The following CSMD1 variants were observed in gnomAD, a reference collection of about 807,000 sequenced individuals.
CSMD1 encodes the protein CUB and sushi domain-containing protein 1.
Under a neutral mutation model 417.5 loss-of-function variants are expected in CSMD1, and 213 were observed. The ratio of observed to expected loss-of-function variants is 0.51; its 90% CI spans 0.46 to 0.57. CSMD1 has a LOEUF of 0.57. Among genes scored for constraint, CSMD1 ranks in the 20% least tolerant of loss-of-function variants. The pLI is 0.00. For synonymous variants in CSMD1, 2,862 were observed against 1,736.8 expected (o/e 1.65, Z -16.11); for missense variants, 6,923 against 4,529.7 (o/e 1.53, Z -15.17).
chr8:4,806,550 T>G (rs1227896973), intron 1 of CSMD1, among the ~76,000 whole-genome samples: 1 of 152,214 alleles, frequency 6.6e-6, no homozygotes, highest in African/African-American at 2.4e-5. Flanking sequence ...TACTAGCATA[T>G]TAACAAAGAG....
intron 5 of CSMD1, among the ~76,000 whole-genome samples, chr8:3,760,839 T>G (rs889814431): frequency 2.0e-5 from 3 of 152,206 alleles, no homozygotes; most frequent in African/African-American, 7.2e-5. Context: ...TTACTGCTAT[T>G]GGGAGAGGCT....
intron 2 of CSMD1, among the ~76,000 whole-genome samples, chr8:4,424,330 T>G (rs987939926): frequency 2.0e-5 from 3 of 151,698 alleles, no homozygotes; most frequent in Non-Finnish European, 4.4e-5. Flanking sequence ...CCATGAACTC[T>G]CCAGACTCAA....
intron 8 of CSMD1, among the ~76,000 whole-genome samples, chr8:3,596,591 A>G (rs1310526969): frequency 2.6e-5 from 4 of 152,134 alleles, no homozygotes; most frequent in Admixed American, 1.3e-4. Flanking sequence ...TGTTCGGCAA[A>G]TATTTCCTCC....
At chr8:3,809,343 G>T (rs1800932708) in intron 5 of CSMD1, among the ~76,000 whole-genome samples, 1 of 152,126 alleles carries the variant, frequency 6.6e-6, no homozygotes, top group Non-Finnish European at 1.5e-5. Context: ...ATAAATATTT[G>T]TTTACGCACT....
chr8:4,397,415 A>G (rs987239134), intron 3 of CSMD1, among the ~76,000 whole-genome samples: 1 of 152,122 alleles, frequency 6.6e-6, no homozygotes, highest in Non-Finnish European at 1.5e-5. Context: ...AAAATAAGAA[A>G]TCATTAGGAA....
At chr8:4,453,070 T>A (rs943514514) in intron 2 of CSMD1, among the ~76,000 whole-genome samples, 1 of 152,042 alleles carries the variant, frequency 6.6e-6, no homozygotes, top group Non-Finnish European at 1.5e-5. Context: ...CCATGAATGG[T>A]GATAAGCTCT....
chr8:3,094,006 G>A (rs1334850194), intron 47 of CSMD1, among the ~76,000 whole-genome samples: 1 of 151,906 alleles, frequency 6.6e-6, no homozygotes, highest in Non-Finnish European at 1.5e-5. Flanking sequence ...AAATGCCACT[G>A]GTAAATTAAT....
chr8:3,931,644 C>G (rs1239349596), intron 5 of CSMD1, among the ~76,000 whole-genome samples: 1 of 149,580 alleles, frequency 6.7e-6, no homozygotes, highest in Non-Finnish European at 1.5e-5. Context: ...CTCAGGATGT[C>G]TTTTCACCTT....
intron 2 of CSMD1, among the ~76,000 whole-genome samples, chr8:4,611,234 T>A (rs1033064012): frequency 6.6e-6 from 1 of 152,168 alleles, no homozygotes; most frequent in Non-Finnish European, 1.5e-5. Flanking sequence ...TTACAATGGG[T>A]ACTATTCGTC....
chr8:3,187,418 G>A (rs1435655716), intron 36 of CSMD1, among the ~76,000 whole-genome samples: 2 of 152,160 alleles, frequency 1.3e-5, no homozygotes, highest in Non-Finnish European at 1.5e-5. Context: ...GGGTGGACTT[G>A]CAGTGGACTA....
chr8:4,044,722 C>G (rs1389773830), intron 3 of CSMD1, among the ~76,000 whole-genome samples: 1 of 152,056 alleles, frequency 6.6e-6, no homozygotes, highest in Non-Finnish European at 1.5e-5. Context: ...GCATAGCACC[C>G]TGGACACGTA....
chr8:3,694,617 G>T (rs573999537), intron 7 of CSMD1, among the ~76,000 whole-genome samples: 2 of 152,110 alleles, frequency 1.3e-5, no homozygotes, highest in South Asian at 2.1e-4. Flanking sequence ...GAAGGACCCA[G>T]CCCTGGGCAT....
chr8:4,596,625 G>C (rs969322806), intron 2 of CSMD1, among the ~76,000 whole-genome samples: 1 of 152,106 alleles, frequency 6.6e-6, no homozygotes, highest in Non-Finnish European at 1.5e-5. Context: ...CATTGTCTTT[G>C]TTAACTTTGT....
At chr8:3,873,556 G>A (rs372802439) in intron 5 of CSMD1, among the ~76,000 whole-genome samples, 1 of 152,104 alleles carries the variant, frequency 6.6e-6, no homozygotes, top group Admixed American at 6.5e-5. Context: ...CTACTGCAGG[G>A]TGGACGGTGG....
chr8:4,829,319 C>A (rs1365548330), intron 1 of CSMD1, among the ~76,000 whole-genome samples: 2 of 152,274 alleles, frequency 1.3e-5, no homozygotes, highest in African/African-American at 4.8e-5. Context: ...TTATATTAAT[C>A]TATGTTTTCA....
At chr8:4,194,954 A>G (rs147022971) in intron 3 of CSMD1, among the ~76,000 whole-genome samples, 30 of 151,884 alleles carry the variant, frequency 2.0e-4, no homozygotes, top group African/African-American at 7.0e-4. Context: ...CCGGGTGAAA[A>G]TGAATATGAG....
At chr8:3,879,835 G>C (rs550582332) in intron 5 of CSMD1, among the ~76,000 whole-genome samples, 1 of 139,946 alleles carries the variant, frequency 7.1e-6, no homozygotes, top group Non-Finnish European at 1.5e-5. Context: ...GTGTGCGTGT[G>C]CGTGTGTGTG....
rs201228967 is a variant in CSMD1, at chr8:3,748,251, A to AT, written c.931+5678dup. Among the ~76,000 whole-genome samples the AT allele has an allele frequency of 4.5e-3, 690 of 152,044 alleles. 20 individuals are homozygous for AT. The East Asian group carries it at 0.076, about 17-fold the overall frequency. On this transcript the variant is annotated intron_variant, in intron 6 of 69. Transcript: ENST00000635120. Reference sequence around the variant, plus strand: ...TGAATGAGTTATATTATTAAAAACTATTTTTTTTCATGGAGGTTTAGTGGT... The same window carrying AT: ...TGAATGAGTTATATTATTAAAAACTATTTTTTTTTCATGGAGGTTTAGTGGT...
chr8:3,064,548 G>A (rs750088206), intron 49 of CSMD1, among the ~76,000 whole-genome samples: 2 of 152,144 alleles, frequency 1.3e-5, no homozygotes, highest in African/African-American at 4.8e-5. Flanking sequence ...GTTATTTCTA[G>A]TAGTGTGAGA....
Sources: allele counts gnomAD v4.1 joint callset (sites outside exome capture counted in the v4.1 genomes callset), GRCh38; gene constraint gnomAD v4.1.1; transcripts MANE v1.5; gene names NCBI Gene and HGNC (gene_info 2026-07-23, HGNC 2026-07-21).